ADCY7: variants seen among roughly 807,000 people sequenced by gnomAD.
The protein encoded by ADCY7 is adenylate cyclase type 7.
A neutral mutation model predicts 120.6 loss-of-function variants in ADCY7; 72 were observed. The observed-to-expected ratio is 0.60, with a 90% CI of 0.49 to 0.73. The LOEUF (loss-of-function observed/expected upper bound fraction) is 0.73, where lower values mean the gene tolerates loss of function less well. Ranked by LOEUF, ADCY7 falls within the 30% of genes least tolerant of loss-of-function variation. The pLI is 0.00. For missense variants in ADCY7, 1,227 were observed against 1,486.0 expected (o/e 0.83, Z 2.87); for synonymous variants, 661 against 628.0 (o/e 1.05, Z -0.78).
intron 1 of ADCY7, among the ~76,000 whole-genome samples, chr16:50,285,728 G>T (rs1196572440): frequency 6.6e-6 from 1 of 152,200 alleles, no homozygotes; most frequent in South Asian, 2.1e-4. Context: ...TTCATGCAAG[G>T]TTCCTGCTGG....
In ADCY7 at chr16:50,270,176, C is replaced by CAGATAGATAGATAGATAGAT. The variant is rs35858506; in HGVS notation, c.-269+3530_-269+3549dup. Among the ~76,000 whole-genome samples, 498 of 141,306 alleles carry CAGATAGATAGATAGATAGAT rather than the reference C, an allele frequency of 3.5e-3. 3 individuals are homozygous for CAGATAGATAGATAGATAGAT. Among genetic ancestry groups the CAGATAGATAGATAGATAGAT allele is most frequent in the Middle Eastern group, 7.0e-3 (2 of 286 alleles). 92.7% of individuals were successfully genotyped at this position (141,306 alleles called of 152,430 possible). A position where few individuals can be genotyped will look rare whatever the true frequency, so the allele number is the denominator to read the frequency against. On this transcript the variant is annotated intron_variant, in intron 1 of 25. Coordinates refer to ENST00000673801, the MANE Select transcript of ADCY7 (RefSeq NM_001114.5). ...TGGGTAATAGAGCAAGACCCTGTCT[C>CAGATAGATAGATAGATAGAT]AGATAGATAGATAGATAGATAGATA...
intron 1 of ADCY7, among the ~76,000 whole-genome samples, chr16:50,247,322 G>A (rs2032620622): frequency 6.6e-6 from 1 of 152,186 alleles, no homozygotes; most frequent in Non-Finnish European, 1.5e-5. Context: ...GGGAGCAGAG[G>A]TGAGAACCCT....
chr16:50,285,182 T>C (rs2034505059), intron 1 of ADCY7, among the ~76,000 whole-genome samples: 1 of 152,234 alleles, frequency 6.6e-6, no homozygotes, highest in African/African-American at 2.4e-5. Flanking sequence ...AAATCAGATT[T>C]GTAGCCTGTC....
intron 1 of ADCY7, among the ~76,000 whole-genome samples, chr16:50,256,414 CAAGAG>C (rs1343830024): frequency 6.6e-6 from 1 of 152,080 alleles, no homozygotes; most frequent in Non-Finnish European, 1.5e-5. Context: ...ATTAAAAAGA[CAAGAG>C]AAGCCAGGCG....
At chr16:50,312,007 C>CG (rs776572684) in intron 20 of ADCY7, 29 bp from the exon 21 acceptor site, 1 of 1,612,466 alleles carries the variant, frequency 6.2e-7, no homozygotes, top group Non-Finnish European at 8.5e-7. Context: ...TGCCTGTGGA[C>CG]GGGGCGCTTA....
rs1269001221 is a variant in ADCY7 at position 50,299,082 on chromosome 16, C to T, written c.1076+51C>T. On this transcript the variant is annotated intron_variant, in intron 8 of 25. Coordinates refer to ENST00000673801, the MANE Select transcript of ADCY7 (RefSeq NM_001114.5). ...TGGGTCCTGCCCTGTGGCGGACCCTCCTGGGCATGGTAGGGGATGTGTCAT... is the reference window on the plus strand; with the variant it reads ...TGGGTCCTGCCCTGTGGCGGACCCTTCTGGGCATGGTAGGGGATGTGTCAT... The T allele has an allele frequency of 3.2e-6, 5 of 1,544,108 alleles. No homozygotes were observed. The South Asian group carries it at 3.5e-5, about 11-fold the overall frequency.
intron 1 of ADCY7, among the ~76,000 whole-genome samples, chr16:50,252,631 A>G (rs1226493763): frequency 6.6e-6 from 1 of 152,162 alleles, no homozygotes; most frequent in Non-Finnish European, 1.5e-5. Context: ...CAGATGGGGA[A>G]ACTGAGGCTC....
chr16:50,313,913 G>A (rs745832096), intron 22 of ADCY7, 45 bp from the exon 23 acceptor site: 21 of 1,540,376 alleles, frequency 1.4e-5, no homozygotes, highest in Admixed American at 3.4e-5. Flanking sequence ...GCCTGGCTGC[G>A]GCTATGGAGT....
intron 1 of ADCY7, among the ~76,000 whole-genome samples, chr16:50,284,955 T>C (rs1244872798): frequency 6.6e-6 from 1 of 152,022 alleles, no homozygotes; most frequent in African/African-American, 2.4e-5. Flanking sequence ...TATTTTGGGG[T>C]GGGGGGTGCT....
In ADCY7 at chr16:50,288,127, G is replaced by A. The variant is rs1472089355; in HGVS notation, c.-53G>A. On this transcript the variant is annotated 5_prime_UTR_variant, in exon 2 of 26. Transcript: ENST00000673801. The stretch of plus-strand genomic sequence containing the variant: ...GTGTTGGCAGACAGATGCCCTCCAG[G>A]CCCTGGGGCCTCCTTAACGGCCCCT... The A allele has an allele frequency of 1.1e-5, 17 of 1,500,136 alleles. No individual in the cohort carries two copies. Among genetic ancestry groups the A allele is most frequent in the Non-Finnish European group, 1.5e-5 (17 of 1,119,612 alleles). 92.9% of individuals were successfully genotyped at this position (1,500,136 alleles called of 1,614,324 possible).
chr16:50,256,106 CT>C (rs2032910809), intron 1 of ADCY7, among the ~76,000 whole-genome samples: 1 of 152,124 alleles, frequency 6.6e-6, no homozygotes, highest in Non-Finnish European at 1.5e-5. Context: ...TTAAAAGCCT[CT>C]GCATGGCAAA....
intron 25 of ADCY7, 30 bp downstream of exon 25, chr16:50,315,168 A>G (rs1438021488): frequency 6.2e-7 from 1 of 1,612,442 alleles, no homozygotes; most frequent in Non-Finnish European, 8.5e-7. Flanking sequence ...GCAGTTGACT[A>G]AGGGGAAAAG....
At chr16:50,310,173 CGT>C (rs1237517654) in intron 18 of ADCY7, among the ~76,000 whole-genome samples, 1 of 152,046 alleles carries the variant, frequency 6.6e-6, no homozygotes, top group Non-Finnish European at 1.5e-5. Flanking sequence ...AAAGCCGAGG[CGT>C]GTGTTGGGAG....
Position 50,290,749 on chromosome 16 carries a change from C to T in ADCY7, c.375+89C>T. The T allele has an allele frequency of 2.9e-6, 4 of 1,398,186 alleles. No homozygotes were observed. In the South Asian group the frequency reaches 5.4e-5, roughly 19 times the overall value. The allele number at this position is 1,398,186 out of a possible 1,614,324, so 86.6% of individuals were successfully genotyped here. A position where few individuals can be genotyped will look rare whatever the true frequency, so the allele number is the denominator to read the frequency against. ...GGGCATGCCACAGGCCCTTCGTGCC[C>T]CACGCTTGGCTGTGTGTCTAGGATG... On this transcript the variant is annotated intron_variant, in intron 3 of 25. Transcript: ENST00000673801.
chr16:50,247,173 G>A (rs2032615776), intron 1 of ADCY7, among the ~76,000 whole-genome samples: 1 of 152,210 alleles, frequency 6.6e-6, no homozygotes, highest in South Asian at 2.1e-4. Context: ...GGGTTCTCAG[G>A]TTCAGTGAAT....
At chr16:50,257,998 G>T (rs1596796522) in intron 1 of ADCY7, among the ~76,000 whole-genome samples, 1 of 152,094 alleles carries the variant, frequency 6.6e-6, no homozygotes, top group East Asian at 1.9e-4. Context: ...GCTTGCCTCG[G>T]CCTCCCAAGG....
At chr16:50,313,754 G>A (rs1018499569) in intron 22 of ADCY7, 26 of 571,980 alleles carry the variant, frequency 4.5e-5, no homozygotes, top group Non-Finnish European at 5.0e-5. Flanking sequence ...GTGTGGGGAC[G>A]GAGACAACAG....
rs369539863 is a variant in ADCY7, at chr16:50,288,193, G to A, written c.14G>A (p.Gly5Glu). 14 of 1,549,942 alleles carry A rather than the reference G, an allele frequency of 9.0e-6. No homozygotes were observed. The East Asian group carries it at 2.0e-4, about 22-fold the overall frequency. Residue 5 changes from glycine to glutamate, a missense_variant, in exon 2 of 26, where the codon GGG becomes GAG. Gly to Glu is a moderately conservative substitution (Grantham distance 98). Around this residue, in one of 5 missense-constraint regions of ADCY7, gnomAD observed 382 missense variants for 411.4 expected, o/e 0.93. Transcript: ENST00000673801. MPAKGRYFLNEGEEG... is the reference protein window; with the variant it reads MPAKERYFLNEGEEG... ...CAAGGGTGGAGGATGCCAGCCAAGGGGCGCTACTTCCTCAACGAGGGCGAG... is the reference window on the plus strand; with the variant it reads ...CAAGGGTGGAGGATGCCAGCCAAGGAGCGCTACTTCCTCAACGAGGGCGAG...
chr16:50,258,884 C>T (rs2032988282), intron 1 of ADCY7, among the ~76,000 whole-genome samples: 1 of 152,146 alleles, frequency 6.6e-6, no homozygotes, highest in Non-Finnish European at 1.5e-5. Flanking sequence ...GCATGAGCCA[C>T]CACGCCCAAC....
Sources: allele counts gnomAD v4.1 joint callset (sites outside exome capture counted in the v4.1 genomes callset), GRCh38; gene constraint gnomAD v4.1.1; regional missense constraint gnomAD v4.1.1; transcripts MANE v1.5; gene names NCBI Gene and HGNC (gene_info 2026-07-23, HGNC 2026-07-21).